The following ESR1 variants were observed in gnomAD, a reference collection of about 807,000 sequenced individuals.
ESR1 encodes the protein estrogen receptor 1.
In ESR1, 12 loss-of-function variants were observed where a neutral mutation model predicts 52.7. The observed-to-expected ratio is 0.23, with a 90% CI of 0.15 to 0.37. The LOEUF is 0.37. ESR1 is among the 10% of genes least tolerant of loss of function. The pLI is 1.00. For synonymous variants in ESR1, 305 were observed against 316.8 expected (o/e 0.96, Z 0.39); for missense variants, 584 against 779.7 (o/e 0.75, Z 2.99).
chr6:151,695,895 G>A (rs917642258), intron 1 of ESR1, among the ~76,000 whole-genome samples: 1 of 152,068 alleles, frequency 6.6e-6, no homozygotes, highest in African/African-American at 2.4e-5. Context: ...GACACAAATT[G>A]CTCTTTCTTT....
chr6:152,103,419 C>G (rs1008274557), downstream of ESR1: 2 of 158,914 alleles, frequency 1.3e-5, no homozygotes, highest in Non-Finnish European at 1.4e-5. Flanking sequence ...CTGCCCAACA[C>G]CCCCAGGTGT....
intron 4 of ESR1, among the ~76,000 whole-genome samples, chr6:151,959,842 A>G (rs1020461570): frequency 3.3e-5 from 5 of 152,224 alleles, no homozygotes; most frequent in Non-Finnish European, 7.3e-5. Flanking sequence ...GTCAGAGAAA[A>G]TAATTACTCC....
At chr6:151,838,389 G>A (rs867453734) in intron 1 of ESR1, among the ~76,000 whole-genome samples, 1 of 152,170 alleles carries the variant, frequency 6.6e-6, no homozygotes, top group East Asian at 1.9e-4. Context: ...TGCTGGGACT[G>A]ATCTAGCCAT....
intron 3 of ESR1, among the ~76,000 whole-genome samples, chr6:151,903,817 TC>T (rs1797048680): frequency 6.6e-6 from 1 of 152,202 alleles, no homozygotes; most frequent in African/African-American, 2.4e-5. Flanking sequence ...AGGATTATAT[TC>T]CATGTTCCAG....
intron 5 of ESR1, among the ~76,000 whole-genome samples, chr6:152,043,036 C>T (rs945106186): frequency 6.6e-6 from 1 of 152,148 alleles, no homozygotes; most frequent in African/African-American, 2.4e-5. Context: ...AGGTGCTGCC[C>T]TCACAAATCT....
intron 5 of ESR1, among the ~76,000 whole-genome samples, chr6:152,020,219 C>T (rs916813852): frequency 6.6e-6 from 1 of 152,110 alleles, no homozygotes; most frequent in Non-Finnish European, 1.5e-5. Context: ...TATAACTAGA[C>T]TTATTATCCA....
At chr6:151,714,345 A>T (rs1387479864) in intron 2 of ESR1, among the ~76,000 whole-genome samples, 5 of 152,196 alleles carry the variant, frequency 3.3e-5, no homozygotes, top group African/African-American at 1.2e-4. Context: ...ATAGATGTCT[A>T]TTAGGTCTGC....
intron 1 of ESR1, among the ~76,000 whole-genome samples, chr6:151,819,650 G>A (rs771840189): frequency 6.6e-6 from 1 of 151,956 alleles, no homozygotes; most frequent in African/African-American, 2.4e-5. Context: ...ACAAGTTCAG[G>A]GCTCTCACTG....
At chr6:151,905,084 T>G (rs1797237823) in intron 3 of ESR1, among the ~76,000 whole-genome samples, 1 of 152,132 alleles carries the variant, frequency 6.6e-6, no homozygotes, top group African/African-American at 2.4e-5. Context: ...TGAGATAAAT[T>G]TTTAAAACAT....
At chr6:151,713,968 T>C (rs528015885) in intron 2 of ESR1, among the ~76,000 whole-genome samples, 3 of 152,330 alleles carry the variant, frequency 2.0e-5, no homozygotes, top group Admixed American at 1.3e-4. Context: ...CTTTCTCTTG[T>C]GGGCATTTAG....
intron 5 of ESR1, among the ~76,000 whole-genome samples, chr6:152,016,655 C>T (rs951411609): frequency 6.6e-6 from 1 of 152,118 alleles, no homozygotes; most frequent in Non-Finnish European, 1.5e-5. Context: ...TAAAATAGAG[C>T]TCTCTGATGC....
At chr6:151,806,534 A>G (rs924430661), upstream of ESR1, among the ~76,000 whole-genome samples, 7 of 130,580 alleles carry the variant, frequency 5.4e-5, no homozygotes, top group Middle Eastern at 3.8e-3. Flanking sequence ...TAATATGTAT[A>G]TATATATATA....
chr6:151,747,316 G>A (rs1308855662), intron 2 of ESR1, among the ~76,000 whole-genome samples: 1 of 152,186 alleles, frequency 6.6e-6, no homozygotes, highest in East Asian at 1.9e-4. Flanking sequence ...ATGAATCACT[G>A]AATAAGCAGA....
At chr6:152,114,508 G>A (rs73625120) in intron 6 of ESR1, among the ~76,000 whole-genome samples, 6,784 of 152,182 alleles carry the variant, frequency 0.045, 154 homozygotes, top group Middle Eastern at 0.071. Flanking sequence ...TGAAAACCTA[G>A]AGCAAAGTCA....
chr6:151,924,298 C>T (rs1288681978), intron 3 of ESR1, among the ~76,000 whole-genome samples: 1 of 152,164 alleles, frequency 6.6e-6, no homozygotes, highest in Non-Finnish European at 1.5e-5. Context: ...GCCCTGGCCT[C>T]CCAAAGTGCT....
chr6:151,972,946 T>C (rs1200051829), intron 4 of ESR1, among the ~76,000 whole-genome samples: 1 of 152,214 alleles, frequency 6.6e-6, no homozygotes. Flanking sequence ...GGGAGAAAGA[T>C]GTAGGCCAGA....
intron 5 of ESR1, among the ~76,000 whole-genome samples, chr6:152,051,616 A>G (rs2046687264): frequency 6.6e-6 from 1 of 151,886 alleles, no homozygotes; most frequent in South Asian, 2.1e-4. Context: ...GCACTCAGGC[A>G]GTCTCCCTTG....
upstream of ESR1, among the ~76,000 whole-genome samples, chr6:151,686,085 T>TTTTTTTA (rs1318946005): frequency 2.7e-5 from 4 of 148,766 alleles, no homozygotes; most frequent in African/African-American, 1.0e-4. Context: ...TTTTTTTTTT[T>TTTTTTTA]TTTATTTAGA....
intron 3 of ESR1, among the ~76,000 whole-genome samples, chr6:151,890,460 T>A (rs555834575): frequency 3.3e-5 from 5 of 152,324 alleles, no homozygotes; most frequent in African/African-American, 1.2e-4. Flanking sequence ...TGTGTTCTGT[T>A]GCTGTTGGAT....
Sources: allele counts gnomAD v4.1 joint callset (sites outside exome capture counted in the v4.1 genomes callset), GRCh38; gene constraint gnomAD v4.1.1; transcripts MANE v1.5; gene names NCBI Gene and HGNC (gene_info 2026-07-23, HGNC 2026-07-21).